SCNN1B: variants seen among roughly 807,000 people sequenced by gnomAD.
SCNN1B encodes the protein sodium channel epithelial 1 subunit beta.
Under a neutral mutation model 65.3 loss-of-function variants are expected in SCNN1B, and 46 were observed. That is an observed-to-expected ratio of 0.70 (90% confidence interval 0.56 to 0.90). The LOEUF (loss-of-function observed/expected upper bound fraction) is 0.90. Among genes scored for constraint, SCNN1B ranks in the 40% least tolerant of loss-of-function variants. The pLI, the probability that SCNN1B is intolerant of heterozygous loss-of-function variation, is 0.00. For synonymous variants in SCNN1B, 349 were observed against 330.6 expected (o/e 1.06, Z -0.60); for missense variants, 751 against 830.5 (o/e 0.90, Z 1.18).
chr16:23,375,487 A>C (rs2142043234), intron 7 of SCNN1B, among the ~76,000 whole-genome samples: 1 of 152,230 alleles, frequency 6.6e-6, no homozygotes, highest in South Asian at 2.1e-4. Context: ...GGGACCTGGG[A>C]TACTGCGGTC....
intron 8 of SCNN1B, among the ~76,000 whole-genome samples, chr16:23,376,823 T>C (rs1397484011): frequency 6.7e-6 from 1 of 149,660 alleles, no homozygotes; most frequent in Admixed American, 6.6e-5. Context: ...AGCCGGAGAC[T>C]CACCACTTAC....
intron 1 of SCNN1B, among the ~76,000 whole-genome samples, chr16:23,344,110 C>A (rs1962136763): frequency 6.6e-6 from 1 of 152,196 alleles, no homozygotes; most frequent in African/African-American, 2.4e-5. Flanking sequence ...AAACATTTTT[C>A]TTTAAATCAA....
chr16:23,303,911 T>A, intron 1 of SCNN1B: 1 of 710,612 alleles, frequency 1.4e-6, no homozygotes, highest in Admixed American at 2.0e-5. Flanking sequence ...AGAGCAAGAC[T>A]CTGTTTCAGA....
intron 4 of SCNN1B, among the ~76,000 whole-genome samples, chr16:23,365,876 G>A (rs1326634990): frequency 2.0e-5 from 3 of 152,228 alleles, no homozygotes; most frequent in Non-Finnish European, 2.9e-5. Context: ...AGCTTGGGTC[G>A]GCCCCCATAT....
chr16:23,329,555 AG>A (rs2056946992), intron 1 of SCNN1B, among the ~76,000 whole-genome samples: 1 of 152,176 alleles, frequency 6.6e-6, no homozygotes, highest in African/African-American at 2.4e-5. Context: ...GCACCCTCGG[AG>A]GTAGGTGTAA....
chr16:23,367,821 G>A (rs1962701436), intron 4 of SCNN1B, 35 bp from the exon 5 acceptor site: 10 of 1,538,896 alleles, frequency 6.5e-6, no homozygotes, highest in Non-Finnish European at 9.0e-6. Flanking sequence ...TGCCTGTGGT[G>A]GAACCTGCCC....
intron 4 of SCNN1B, among the ~76,000 whole-genome samples, chr16:23,358,761 G>A (rs1258729528): frequency 6.6e-6 from 1 of 152,116 alleles, no homozygotes; most frequent in Non-Finnish European, 1.5e-5. Context: ...ACAAAAATTA[G>A]CCAGGTGTGG....
intron 11 of SCNN1B, 130 bp from the exon 12 acceptor site, chr16:23,379,964 G>A (rs1367180364): frequency 1.2e-5 from 9 of 773,216 alleles, no homozygotes; most frequent in Admixed American, 1.1e-4. Context: ...GGGTGTGTGG[G>A]TACATGTGTG....
upstream of SCNN1B, among the ~76,000 whole-genome samples, chr16:23,299,832 C>T (rs560581436): frequency 2.6e-4 from 40 of 152,266 alleles, no homozygotes; most frequent in African/African-American, 9.4e-4. Context: ...TCAGCAGTCC[C>T]GTTACTGGGT....
chr16:23,278,639 G>A lies in SCNN1B; in HGVS notation n.110+299G>A, dbSNP rs571881383. ...GTGATACAAATGTTTTGGAATTAGA[G>A]GTGATGGTTGCATAACATCTGAGTG... On this transcript the variant is annotated intron_variant and non_coding_transcript_variant, in intron 1 of 3. Transcript: ENST00000569789. 2.0e-5 allele frequency among the ~76,000 whole-genome samples: 3 copies of A among 152,244 alleles called. No individual in the cohort carries two copies. The South Asian group carries it at 6.2e-4, about 32-fold the overall frequency.
At chr16:23,330,261 C>A (rs1455030912) in intron 1 of SCNN1B, among the ~76,000 whole-genome samples, 2 of 152,148 alleles carry the variant, frequency 1.3e-5, no homozygotes, top group Non-Finnish European at 2.9e-5. Context: ...CATCCTCCAA[C>A]CTGGATGGGC....
chr16:23,377,311 C>A lies in SCNN1B; in HGVS notation c.1347-18C>A, dbSNP rs1481274807. 1.2e-6 allele frequency: 2 copies of A among 1,614,170 alleles called. No individual in the cohort carries two copies. Among genetic ancestry groups the A allele is most frequent in the South Asian group, 1.1e-5 (1 of 91,084 alleles). On this transcript the variant is annotated intron_variant, in intron 9 of 12. Coordinates refer to ENST00000343070, the MANE Select transcript of SCNN1B (RefSeq NM_000336.3). ...CATCACTGGCAGGGACCACAACAGG[C>A]CTGGCCTTCTCTTTCAGTGACACCC... is the stretch of plus-strand genomic sequence containing the variant.
At chr16:23,311,215 G>A (rs1311735449) in intron 1 of SCNN1B, among the ~76,000 whole-genome samples, 2 of 152,260 alleles carry the variant, frequency 1.3e-5, no homozygotes, top group Non-Finnish European at 2.9e-5. Context: ...TTGGAACTGG[G>A]AGCCACTGGT....
intron 1 of SCNN1B, among the ~76,000 whole-genome samples, chr16:23,337,370 C>T (rs372093805): frequency 0.037 from 4,719 of 127,052 alleles, 269 homozygotes; most frequent in African/African-American, 0.15. Flanking sequence ...CTTTCTCTTT[C>T]TTTCTTTTTT....
At chr16:23,354,223 C>T (rs1466007250) in intron 3 of SCNN1B, among the ~76,000 whole-genome samples, 1 of 152,142 alleles carries the variant, frequency 6.6e-6, no homozygotes, top group African/African-American at 2.4e-5. Context: ...ATACTTACCT[C>T]CTAGCTTTGC....
intron 1 of SCNN1B, among the ~76,000 whole-genome samples, chr16:23,305,451 G>C (rs1184166770): frequency 6.9e-6 from 1 of 145,188 alleles, no homozygotes; most frequent in Non-Finnish European, 1.5e-5. Flanking sequence ...TTAGGAGATC[G>C]AGACCAGCGA....
upstream of SCNN1B, among the ~76,000 whole-genome samples, chr16:23,300,008 G>T (rs1961051140): frequency 6.6e-6 from 1 of 152,174 alleles, no homozygotes; most frequent in Non-Finnish European, 1.5e-5. Context: ...ATACTATGCA[G>T]CCATAAAAAA....
chr16:23,343,643 G>GAAAT (rs1379077784), intron 1 of SCNN1B, among the ~76,000 whole-genome samples: 1 of 108,280 alleles, frequency 9.2e-6, no homozygotes, highest in Non-Finnish European at 1.9e-5. Flanking sequence ...AAGAAAGAAA[G>GAAAT]AAAGAAAAAA....
intron 1 of SCNN1B, among the ~76,000 whole-genome samples, chr16:23,330,474 G>A (rs908884397): frequency 2.0e-5 from 3 of 152,188 alleles, no homozygotes; most frequent in Admixed American, 6.5e-5. Flanking sequence ...TTCCCCCAGC[G>A]CCTTGCTTTC....
Sources: allele counts gnomAD v4.1 joint callset (sites outside exome capture counted in the v4.1 genomes callset), GRCh38; gene constraint gnomAD v4.1.1; transcripts MANE v1.5; gene names NCBI Gene and HGNC (gene_info 2026-07-23, HGNC 2026-07-21).